The following NR5A2 variants were observed in gnomAD, a reference collection of about 807,000 sequenced individuals.
The protein encoded by NR5A2 is CYP7A promoter-binding factor.
In NR5A2, 26 loss-of-function variants were observed where a neutral mutation model predicts 62.7. That is an observed-to-expected ratio of 0.41 (90% CI 0.30 to 0.58). The LOEUF (loss-of-function observed/expected upper bound fraction) is 0.58, where lower values mean the gene tolerates loss of function less well. NR5A2 is among the 20% of genes least tolerant of loss of function. The pLI, the probability that NR5A2 is intolerant of heterozygous loss-of-function variation, is 0.22. For synonymous variants in NR5A2, 246 were observed against 241.7 expected (o/e 1.02, Z -0.16); for missense variants, 541 against 669.1 (o/e 0.81, Z 2.11).
intron 7 of NR5A2, among the ~76,000 whole-genome samples, chr1:200,123,661 T>C (rs1358479165): frequency 5.9e-5 from 9 of 152,182 alleles, no homozygotes; most frequent in Admixed American, 3.3e-4. Flanking sequence ...TCGATTTGCC[T>C]TTCTGGTAGC....
chr1:200,030,065 A>G (rs1661497015), intron 1 of NR5A2, among the ~76,000 whole-genome samples: 1 of 152,112 alleles, frequency 6.6e-6, no homozygotes, highest in Non-Finnish European at 1.5e-5. Flanking sequence ...TGCCCCTTGA[A>G]TGGGTCTTTC....
At chr1:200,028,083 A>C (rs1009145859) in intron 1 of NR5A2, among the ~76,000 whole-genome samples, 172 bp downstream of exon 1, 1 of 152,212 alleles carries the variant, frequency 6.6e-6, no homozygotes, top group African/African-American at 2.4e-5. Flanking sequence ...TTGCAGTTCA[A>C]AAAAAGCAAA....
chr1:200,087,185 A>G (rs1164171731), intron 5 of NR5A2, among the ~76,000 whole-genome samples: 1 of 151,606 alleles, frequency 6.6e-6, no homozygotes, highest in Non-Finnish European at 1.5e-5. Context: ...TCCTCTTCCA[A>G]TATTCATACA....
At chr1:200,118,022 T>TTC (rs1553274562) in intron 6 of NR5A2, among the ~76,000 whole-genome samples, 9 of 139,812 alleles carry the variant, frequency 6.4e-5, no homozygotes, top group Admixed American at 1.5e-4. Flanking sequence ...CCTTTTTCTT[T>TTC]TTTTTTTTTT....
intron 6 of NR5A2, among the ~76,000 whole-genome samples, chr1:200,114,338 AAAG>A (rs1252143038): frequency 6.2e-5 from 9 of 144,922 alleles, no homozygotes; most frequent in South Asian, 2.1e-4. Context: ...GGCAGAAAAA[AAAG>A]AAAAAAAGAA....
intron 7 of NR5A2, among the ~76,000 whole-genome samples, chr1:200,151,636 A>G (rs762218339): frequency 1.5e-4 from 23 of 152,170 alleles, no homozygotes; most frequent in Non-Finnish European, 2.6e-4. Context: ...ACCCTATAAA[A>G]TCTCTCAAAG....
chr1:200,112,232 A>G (rs115708755), intron 6 of NR5A2, among the ~76,000 whole-genome samples: 1,577 of 152,318 alleles, frequency 0.01, 31 homozygotes, highest in African/African-American at 0.036. Context: ...TTAAAGGAGG[A>G]GAGACAGCTT....
chr1:200,155,739 T>A (rs1653350967), intron 7 of NR5A2, among the ~76,000 whole-genome samples: 2 of 151,958 alleles, frequency 1.3e-5, no homozygotes, highest in Non-Finnish European at 2.9e-5. Context: ...AATGGTGCGA[T>A]CTTGGCTCAC....
intron 1 of NR5A2, among the ~76,000 whole-genome samples, chr1:200,035,666 T>C (rs569741625): frequency 3.9e-5 from 6 of 152,270 alleles, no homozygotes; most frequent in Admixed American, 3.3e-4. Context: ...GGATAAAATA[T>C]GCTAGGACTG....
rs747470196 is a variant in NR5A2 at position 200,088,351 on chromosome 1, G to A, written c.1111-22851G>A. On this transcript the variant is annotated intron_variant, in intron 5 of 7. Coordinates refer to ENST00000367362, the MANE Select transcript of NR5A2 (RefSeq NM_205860.3). Reference sequence around the variant, plus strand: ...TGGCTCACTGCAACCTCCACCTCCCGGGTTCAAGTGATTCTCCTGCCTCCG... The same window carrying A: ...TGGCTCACTGCAACCTCCACCTCCCAGGTTCAAGTGATTCTCCTGCCTCCG... Among the ~76,000 whole-genome samples the A allele has an allele frequency of 5.1e-4, 77 of 152,098 alleles. 1 individual carries two copies. Among genetic ancestry groups the A allele is most frequent in the Admixed American group, 1.1e-3 (17 of 15,288 alleles).
chr1:200,155,478 G>A (rs1036771300), intron 7 of NR5A2, among the ~76,000 whole-genome samples: 4 of 152,114 alleles, frequency 2.6e-5, no homozygotes, highest in African/African-American at 9.7e-5. Context: ...TTAAAGAAGT[G>A]TTTGCTTTAA....
chr1:200,175,341 A>G lies in NR5A2; in HGVS notation c.*1131A>G, dbSNP rs1262902263. On this transcript the variant is annotated 3_prime_UTR_variant, in exon 8 of 8. Transcript: ENST00000367362. ...TTGGGATGGAAATGGTGATTTTTAC[A>G]TGTGTCCTGGAAAGATATTAAAGTA... 6.6e-6 allele frequency: 1 copy of G among 152,554 alleles called. No individual in the cohort carries two copies. Among genetic ancestry groups the G allele is most frequent in the Non-Finnish European group, 1.5e-5 (1 of 68,042 alleles). The allele number at this position is 152,554 out of a possible 1,614,324, so 9.5% of individuals were successfully genotyped here.
rs542581409 is a variant in NR5A2, at chr1:200,120,745, G to A, written c.1231-63G>A. The A allele has an allele frequency of 5.0e-5, 72 of 1,448,294 alleles. No homozygotes were observed. The Admixed American group carries it at 1.4e-3, about 28-fold the overall frequency. 89.7% of individuals were successfully genotyped at this position (1,448,294 alleles called of 1,614,324 possible). On this transcript the variant is annotated intron_variant, in intron 6 of 7. Coordinates refer to ENST00000367362, the MANE Select transcript of NR5A2 (RefSeq NM_205860.3). Reference sequence around the variant, plus strand: ...ATCTGATTTTACCCATAGTTCTTACGACTCAGGTGAAATACATATTGCTGA... The same window carrying A: ...ATCTGATTTTACCCATAGTTCTTACAACTCAGGTGAAATACATATTGCTGA...
intron 7 of NR5A2, among the ~76,000 whole-genome samples, chr1:200,133,937 AC>A (rs1667101145): frequency 6.6e-6 from 1 of 151,994 alleles, no homozygotes; most frequent in Non-Finnish European, 1.5e-5. Context: ...GATGATCCTG[AC>A]CTTGTATAGG....
intron 2 of NR5A2, among the ~76,000 whole-genome samples, chr1:200,042,182 G>C (rs1266061893): frequency 1.3e-5 from 2 of 151,944 alleles, no homozygotes; most frequent in Admixed American, 1.3e-4. Flanking sequence ...ACGAAGGCAG[G>C]CTCCTGCCTT....
chr1:200,134,154 C>A (rs887711786), intron 7 of NR5A2, among the ~76,000 whole-genome samples: 1 of 151,984 alleles, frequency 6.6e-6, no homozygotes, highest in Non-Finnish European at 1.5e-5. Context: ...TATAAAGTAA[C>A]AAAGGTATAG....
intron 1 of NR5A2, among the ~76,000 whole-genome samples, chr1:200,033,876 A>G (rs193013399): frequency 1.3e-5 from 2 of 152,250 alleles, no homozygotes; most frequent in Admixed American, 1.3e-4. Flanking sequence ...TTCTTTGCTG[A>G]CCAAGTGAGA....
intron 5 of NR5A2, among the ~76,000 whole-genome samples, chr1:200,076,078 A>G (rs537257838): frequency 1.7e-4 from 26 of 152,302 alleles, no homozygotes; most frequent in African/African-American, 6.3e-4. Flanking sequence ...ACCTCAACCC[A>G]AGGACATAAT....
chr1:200,165,431 A>G (rs550963021), intron 7 of NR5A2, among the ~76,000 whole-genome samples: 9 of 152,274 alleles, frequency 5.9e-5, no homozygotes, highest in African/African-American at 1.9e-4. Flanking sequence ...GACACACGTA[A>G]TGACATGTAT....
Sources: allele counts gnomAD v4.1 joint callset (sites outside exome capture counted in the v4.1 genomes callset), GRCh38; gene constraint gnomAD v4.1.1; transcripts MANE v1.5; gene names NCBI Gene and HGNC (gene_info 2026-07-23, HGNC 2026-07-21).